Variants in ZNF723 observed in about 807,000 individuals in gnomAD.
ZNF723 encodes the protein zinc finger protein 723.
Under a neutral mutation model 9.4 loss-of-function variants are expected in ZNF723, and 5 were observed. The observed-to-expected ratio is 0.53, with a 90% CI of 0.28 to 1.12. ZNF723 has a LOEUF of 1.12. Ranked by LOEUF, ZNF723 falls within the 50% of genes most tolerant of loss-of-function variation. The probability of loss-of-function intolerance (pLI) is 0.10; values close to 1 mark genes in which losing one functional copy is unlikely to be tolerated. For synonymous variants in ZNF723, 158 were observed against 168.8 expected (o/e 0.94, Z 0.49); for missense variants, 450 against 501.5 (o/e 0.90, Z 0.98).
the ZNF723 span, among the ~76,000 whole-genome samples, chr19:22,816,760 C>T: frequency 2.0e-5 from 3 of 152,272 alleles, no homozygotes; most frequent in African/African-American, 7.2e-5. Flanking sequence ...TGCACATAGG[C>T]TATGTGACTG....
At position 22,838,239 on chromosome 19, in the gene ZNF723, T is replaced by C. The variant is rs550100542; in HGVS notation, c.3+5857T>C. Among the ~76,000 whole-genome samples the C allele has an allele frequency of 1.6e-4, 24 of 152,232 alleles. No individual in the cohort carries two copies. In the East Asian group the frequency reaches 4.4e-3, roughly 28 times the overall value. ...TCCCCTTTGTGTCCATGTGTTGTTA[T>C]TATTTAGCTCTTACTTAGAAATGAG... On this transcript the variant is annotated intron_variant, in intron 1 of 3. Transcript: ENST00000600766.
chr19:22,814,933 T>C, the ZNF723 span, among the ~76,000 whole-genome samples: 2 of 152,228 alleles, frequency 1.3e-5, no homozygotes, highest in East Asian at 3.9e-4. Context: ...AAGAACAGAT[T>C]GTGATATGTC....
At chr19:22,856,572 A>T (rs918473275) in intron 3 of ZNF723, among the ~76,000 whole-genome samples, 1 of 152,132 alleles carries the variant, frequency 6.6e-6, no homozygotes, top group Non-Finnish European at 1.5e-5. Context: ...CTTTATATTC[A>T]TCGCTTGCTA....
At position 22,845,573 on chromosome 19, in the gene ZNF723, C is replaced by A. The variant is rs547896967; in HGVS notation, c.4-2688C>A. Among the ~76,000 whole-genome samples the A allele has an allele frequency of 2.0e-5, 3 of 152,100 alleles. No individual in the cohort carries two copies. The South Asian group carries it at 6.2e-4, about 32-fold the overall frequency. On this transcript the variant is annotated intron_variant, in intron 1 of 3. Coordinates refer to ENST00000600766, the MANE Select transcript of ZNF723 (RefSeq NM_001349726.2). ...TTTGGTATGGACAGGGCAGTGTGGC[C>A]CATATTTTTATTACTGTAGCAGAGA...
intron 1 of ZNF723, among the ~76,000 whole-genome samples, chr19:22,835,244 G>A (rs1343065235): frequency 2.6e-5 from 4 of 152,042 alleles, no homozygotes; most frequent in South Asian, 2.1e-4. Context: ...GTTTCACCAC[G>A]TTGGCCAGGC....
At chr19:22,819,382 T>C in the ZNF723 span, among the ~76,000 whole-genome samples, 9 of 151,976 alleles carry the variant, frequency 5.9e-5, no homozygotes, top group African/African-American at 1.7e-4. Context: ...AGAGTGACTT[T>C]TCACTGGGCC....
the ZNF723 span, among the ~76,000 whole-genome samples, chr19:22,820,575 G>T: frequency 5.9e-3 from 902 of 152,228 alleles, 8 homozygotes; most frequent in African/African-American, 0.02. Context: ...ATGCAATAAT[G>T]ACTCTAATAC....
At chr19:22,834,534 T>G (rs1230960846) in intron 1 of ZNF723, among the ~76,000 whole-genome samples, 1 of 152,138 alleles carries the variant, frequency 6.6e-6, no homozygotes, top group African/African-American at 2.4e-5. Context: ...ACGAAGATAC[T>G]GTGTCTATGT....
At chr19:22,849,605 C>T (rs189573815) in intron 3 of ZNF723, among the ~76,000 whole-genome samples, 551 of 152,188 alleles carry the variant, frequency 3.6e-3, no homozygotes, top group Non-Finnish European at 6.0e-3. Context: ...TAAATATCTG[C>T]ATAATTTTAT....
At chr19:22,834,406 G>T (rs1967140264) in intron 1 of ZNF723, among the ~76,000 whole-genome samples, 1 of 151,836 alleles carries the variant, frequency 6.6e-6, no homozygotes, top group Non-Finnish European at 1.5e-5. Context: ...TAGGCACAGA[G>T]ATCTTATGAG....
At chr19:22,841,883 A>G (rs563391042) in intron 1 of ZNF723, among the ~76,000 whole-genome samples, 11 of 151,410 alleles carry the variant, frequency 7.3e-5, no homozygotes. Context: ...TCTGGGAACC[A>G]AAAAAAAAGA....
In ZNF723 at chr19:22,845,889, C is replaced by CTTTTTTTTTTTTTTTT. The variant is rs1214348571; in HGVS notation, c.4-2369_4-2354dup. Among the ~76,000 whole-genome samples the CTTTTTTTTTTTTTTTT allele has an allele frequency of 3.1e-4, 38 of 124,352 alleles. 3 individuals carry two copies. The highest frequency in any genetic ancestry group is 6.8e-4 in the African/African-American group (22 of 32,464). 81.6% of individuals were successfully genotyped at this position (124,352 alleles called of 152,430 possible). ...AGGAGGAGATAGGGAAAAAATATGC[C>CTTTTTTTTTTTTTTTT]TTTTTTTTTTTTTTTTTTAGCTAAA... is the stretch of plus-strand genomic sequence containing the variant. On this transcript the variant is annotated intron_variant, in intron 1 of 3. Transcript: ENST00000600766.
intron 1 of ZNF723, among the ~76,000 whole-genome samples, chr19:22,845,942 C>T (rs1967303014): frequency 7.0e-6 from 1 of 142,082 alleles, no homozygotes; most frequent in South Asian, 2.2e-4. Context: ...ACTGCGTCCA[C>T]TCTGCCTCGT....
At chr19:22,831,985 G>A (rs955451500), upstream of ZNF723, among the ~76,000 whole-genome samples, 4 of 152,054 alleles carry the variant, frequency 2.6e-5, no homozygotes, top group Admixed American at 2.0e-4. Flanking sequence ...CATAAAAGCC[G>A]AAATTTTAAA....
the ZNF723 span, among the ~76,000 whole-genome samples, chr19:22,823,598 T>A: frequency 6.6e-6 from 1 of 152,342 alleles, no homozygotes; most frequent in South Asian, 2.1e-4. Flanking sequence ...ATTGTTTATC[T>A]CATCCCTGAA....
the ZNF723 span, among the ~76,000 whole-genome samples, chr19:22,818,805 G>A: frequency 6.6e-6 from 1 of 152,022 alleles, no homozygotes; most frequent in Non-Finnish European, 1.5e-5. Flanking sequence ...GCTTTGTGAT[G>A]TATCACTGAA....
At chr19:22,824,632 T>C in the ZNF723 span, among the ~76,000 whole-genome samples, 1 of 152,036 alleles carries the variant, frequency 6.6e-6, no homozygotes, top group African/African-American at 2.4e-5. Flanking sequence ...GTGCAGAGAG[T>C]GTCATAACAA....
the ZNF723 span, among the ~76,000 whole-genome samples, chr19:22,812,884 C>T: frequency 6.6e-6 from 1 of 152,150 alleles, no homozygotes; most frequent in Admixed American, 6.5e-5. Flanking sequence ...CTGAGGCCCT[C>T]GTAAACGAAT....
chr19:22,822,274 C>T, the ZNF723 span, among the ~76,000 whole-genome samples: 2 of 152,192 alleles, frequency 1.3e-5, no homozygotes, highest in Non-Finnish European at 2.9e-5. Flanking sequence ...TGTCCTGAAC[C>T]TCACATGCAG....
Sources: allele counts gnomAD v4.1 joint callset (sites outside exome capture counted in the v4.1 genomes callset), GRCh38; gene constraint gnomAD v4.1.1; transcripts MANE v1.5; gene names NCBI Gene and HGNC (gene_info 2026-07-23, HGNC 2026-07-21).